Variants in CFAP95 observed in about 807,000 individuals in gnomAD.
CFAP95 encodes the protein cilia and flagella associated protein 95.
chr9:69,832,708 T>TA, the CFAP95 span, among the ~76,000 whole-genome samples: 3 of 149,322 alleles, frequency 2.0e-5, no homozygotes, highest in Non-Finnish European at 4.4e-5. Flanking sequence ...TTTTTTTTTT[T>TA]AAATACTTTA....
chr9:69,863,595 G>A, the CFAP95 span, among the ~76,000 whole-genome samples: 5 of 152,078 alleles, frequency 3.3e-5, no homozygotes, highest in African/African-American at 1.2e-4. Context: ...TTTATGATTT[G>A]TCCATAGAAC....
chr9:69,853,939 T>G, the CFAP95 span, among the ~76,000 whole-genome samples: 1 of 152,188 alleles, frequency 6.6e-6, no homozygotes, highest in Non-Finnish European at 1.5e-5. Flanking sequence ...TCCCTGGAAG[T>G]TCTTTCCAAG....
the CFAP95 span, among the ~76,000 whole-genome samples, chr9:69,825,654 TA>T: frequency 1.3e-5 from 2 of 152,156 alleles, no homozygotes; most frequent in Non-Finnish European, 2.9e-5. Context: ...AGAACTGAAC[TA>T]AGGGGAAATA....
chr9:69,831,691 G>T, the CFAP95 span, among the ~76,000 whole-genome samples: 5 of 152,148 alleles, frequency 3.3e-5, no homozygotes, highest in Admixed American at 2.6e-4. Context: ...TGGACCAGGG[G>T]AGCTTTTCAG....
chr9:69,885,516 A>T, the CFAP95 span, among the ~76,000 whole-genome samples: 1 of 152,102 alleles, frequency 6.6e-6, no homozygotes, highest in African/African-American at 2.4e-5. Context: ...CTTACTCTAG[A>T]TGTGTGGGTC....
At chr9:69,903,625 G>T in the CFAP95 span, among the ~76,000 whole-genome samples, 1 of 152,180 alleles carries the variant, frequency 6.6e-6, no homozygotes, top group Non-Finnish European at 1.5e-5. Context: ...TTTAGAGCTG[G>T]TTTACCAACA....
chr9:69,843,619 T>TCTTCG, the CFAP95 span, among the ~76,000 whole-genome samples: 23 of 57,788 alleles, frequency 4.0e-4, no homozygotes, highest in Non-Finnish European at 6.5e-4. Context: ...CTTCTTCTTC[T>TCTTCG]TCTTCTTCTT....
At chr9:69,821,345 G>A in the CFAP95 span, among the ~76,000 whole-genome samples, 4 of 152,134 alleles carry the variant, frequency 2.6e-5, no homozygotes, top group Non-Finnish European at 5.9e-5. Flanking sequence ...GGAGGAAATA[G>A]GAGAGCCTTT....
the CFAP95 span, among the ~76,000 whole-genome samples, chr9:69,880,236 C>G: frequency 2.0e-5 from 3 of 151,910 alleles, no homozygotes; most frequent in Admixed American, 6.6e-5. Flanking sequence ...AGGTCTTACT[C>G]ATTCTCTCTA....
At chr9:69,886,084 T>G in the CFAP95 span, among the ~76,000 whole-genome samples, 5 of 152,204 alleles carry the variant, frequency 3.3e-5, no homozygotes, top group Non-Finnish European at 5.9e-5. Flanking sequence ...GTTCAGGACA[T>G]GAATCCTCCC....
At chr9:69,843,543 C>CT in the CFAP95 span, among the ~76,000 whole-genome samples, 21 of 32,366 alleles carry the variant, frequency 6.5e-4, 1 homozygote, top group Non-Finnish European at 8.5e-4. Flanking sequence ...CCTCCTCCTC[C>CT]TCCTCCTCCT....
At chr9:69,846,086 C>T in the CFAP95 span, among the ~76,000 whole-genome samples, 2 of 152,182 alleles carry the variant, frequency 1.3e-5, no homozygotes, top group African/African-American at 4.8e-5. Context: ...CACTTAGAGA[C>T]TTTGGTCCTT....
chr9:69,843,806 G>T, the CFAP95 span, among the ~76,000 whole-genome samples: 3 of 150,764 alleles, frequency 2.0e-5, no homozygotes, highest in South Asian at 6.3e-4. Flanking sequence ...AAGCCCAACT[G>T]ATTTTTGTAT....
At chr9:69,878,361 C>T in the CFAP95 span, among the ~76,000 whole-genome samples, 1 of 152,278 alleles carries the variant, frequency 6.6e-6, no homozygotes, top group East Asian at 1.9e-4. Context: ...CAGGGAAGGG[C>T]GTTCTCCTTC....
At chr9:69,844,560 G>A in the CFAP95 span, 1 of 1,612,686 alleles carries the variant, frequency 6.2e-7, no homozygotes, top group Non-Finnish European at 8.5e-7. Context: ...TGATATAGAG[G>A]GTCCTGAGAA....
the CFAP95 span, among the ~76,000 whole-genome samples, chr9:69,833,701 A>G: frequency 6.6e-6 from 1 of 152,024 alleles, no homozygotes; most frequent in Non-Finnish European, 1.5e-5. Flanking sequence ...ACATGTTATA[A>G]TCTGGGGATG....
the CFAP95 span, among the ~76,000 whole-genome samples, chr9:69,831,756 A>G: frequency 6.6e-6 from 1 of 152,198 alleles, no homozygotes; most frequent in Non-Finnish European, 1.5e-5. Context: ...ATGATGCATT[A>G]GTTTCCAACC....
chr9:69,859,903 A>T, the CFAP95 span, among the ~76,000 whole-genome samples: 1 of 152,202 alleles, frequency 6.6e-6, no homozygotes, highest in Non-Finnish European at 1.5e-5. Context: ...GTATCTAAAC[A>T]TATCTAAACA....
the CFAP95 span, among the ~76,000 whole-genome samples, chr9:69,830,585 G>A: frequency 6.6e-6 from 1 of 152,220 alleles, no homozygotes; most frequent in African/African-American, 2.4e-5. Context: ...GAAATCTTGT[G>A]TAGAGATTAG....
Sources: allele counts gnomAD v4.1 joint callset (sites outside exome capture counted in the v4.1 genomes callset), GRCh38; gene constraint gnomAD v4.1.1; transcripts MANE v1.5; gene names NCBI Gene and HGNC (gene_info 2026-07-23, HGNC 2026-07-21).